The following ZNF337 variants were observed in gnomAD, a reference collection of about 807,000 sequenced individuals.
ZNF337 encodes zinc finger protein 337.
Under a neutral mutation model 12.1 loss-of-function variants are expected in ZNF337, and 8 were observed. That is an observed-to-expected ratio of 0.66 (90% CI 0.39 to 1.19). ZNF337 has a LOEUF of 1.19. Among genes scored for constraint, ZNF337 ranks in the 50% most tolerant of loss-of-function variants. The pLI is 0.01. For synonymous variants in ZNF337, 336 were observed against 320.0 expected, an observed-to-expected ratio of 1.05 and a Z score of -0.53; for missense variants, 882 against 896.6, an observed-to-expected ratio of 0.98 and a Z score of 0.21.
chr20:25,679,014 A>G (rs540674984), intron 4 of ZNF337, among the ~76,000 whole-genome samples: 7 of 152,194 alleles, frequency 4.6e-5, no homozygotes, highest in East Asian at 1.9e-4. Context: ...ATAAATCCAT[A>G]TATTTATAGC....
intron 1 of ZNF337, 64 bp from the exon 2 acceptor site, chr20:25,686,530 G>A (rs1600446268): frequency 7.8e-7 from 1 of 1,281,984 alleles, no homozygotes; most frequent in East Asian, 2.4e-5. Flanking sequence ...GTGACAGTTG[G>A]TGTGATTCCA....
At position 25,675,023 on chromosome 20, in the gene ZNF337, G is replaced by A. The variant is rs1220286518; in HGVS notation, c.*9C>T. The A allele has an allele frequency of 1.2e-6, 2 of 1,608,492 alleles. No homozygotes were observed. The highest frequency in any genetic ancestry group is 1.7e-6 in the Non-Finnish European group (2 of 1,176,970). ...GAGTGTGTCCTCTGATGGATGGTGA[G>A]ATATAACTTCAAGATGAAGCCTCAC... is the stretch of plus-strand genomic sequence containing the variant. On this transcript the variant is annotated 3_prime_UTR_variant, in exon 5 of 5. Transcript: ENST00000252979.
intron 1 of ZNF337, among the ~76,000 whole-genome samples, chr20:25,690,157 G>A (rs945167547): frequency 2.0e-5 from 3 of 152,116 alleles, no homozygotes; most frequent in East Asian, 1.9e-4. Context: ...GTGGTGGCAC[G>A]TGCCTGTAGT....
rs749992921 is a variant in ZNF337, at chr20:25,675,787, A to G, written c.1501T>C (p.Ser501Pro). Reference sequence around the variant, plus strand: ...GCCCTCAGGTGCTTGTTATAGGAGGACTTATCCCGAAACCTTCGCCCACAC... The same window carrying G: ...GCCCTCAGGTGCTTGTTATAGGAGGGCTTATCCCGAAACCTTCGCCCACAC... ...RECGRRFRDK[S>P]SYNKHLRAHL... The change falls in exon 5 of 5, where the codon TCC (serine) becomes CCC (proline). Residue 501 changes from serine (S) to proline (P), a missense_variant. Transcript: ENST00000252979. 48 of 1,613,274 alleles carry G rather than the reference A, an allele frequency of 3.0e-5. No individual in the cohort carries two copies. The highest frequency in any genetic ancestry group is 4.1e-5 in the Non-Finnish European group (48 of 1,179,816).
chr20:25,677,137 C>T (rs1373181569), intron 4 of ZNF337, 100 bp from the exon 5 acceptor site: 3 of 1,007,390 alleles, frequency 3.0e-6, no homozygotes, highest in Non-Finnish European at 4.2e-6. Context: ...TTCTAATAAA[C>T]TCATAAAGAA....
In ZNF337 at chr20:25,674,912, C is replaced by G. The variant is rs1310881020; in HGVS notation, c.*120G>C. 3.3e-6 allele frequency: 3 copies of G among 902,070 alleles called. No individual in the cohort carries two copies. Among genetic ancestry groups the G allele is most frequent in the East Asian group, 2.6e-5 (1 of 38,634 alleles). 55.9% of individuals were successfully genotyped at this position (902,070 alleles called of 1,614,324 possible). A position where few individuals can be genotyped will look rare whatever the true frequency, so the allele number is the denominator to read the frequency against. On this transcript the variant is annotated 3_prime_UTR_variant, in exon 5 of 5. Transcript: ENST00000252979. ...TTGAATTCAGGTTCTCTGTAGCCCT[C>G]TGGATTCTGTCTGCCTCTGTTATAT...
At chr20:25,696,227 G>A (rs1179534675) in intron 1 of ZNF337, among the ~76,000 whole-genome samples, 1 of 151,920 alleles carries the variant, frequency 6.6e-6, no homozygotes, top group Non-Finnish European at 1.5e-5. Flanking sequence ...CAAAACACGC[G>A]GGCGAAGTCC....
At chr20:25,681,785 A>G (rs1488845087) in intron 4 of ZNF337, among the ~76,000 whole-genome samples, 1 of 152,226 alleles carries the variant, frequency 6.6e-6, no homozygotes, top group Non-Finnish European at 1.5e-5. Flanking sequence ...TATGCATCTT[A>G]TATAAATCCT....
intron 4 of ZNF337, among the ~76,000 whole-genome samples, chr20:25,684,095 T>C (rs145077230): frequency 0.021 from 3,170 of 150,736 alleles, 106 homozygotes; most frequent in African/African-American, 0.072. Flanking sequence ...CAGCAAACTA[T>C]CTCAAGGACA....
intron 1 of ZNF337, among the ~76,000 whole-genome samples, chr20:25,696,440 G>C (rs1353769562): frequency 6.6e-6 from 1 of 152,104 alleles, no homozygotes; most frequent in Non-Finnish European, 1.5e-5. Context: ...GAGGAGCGGC[G>C]ACCCTGGCAC....
chr20:25,685,206 TAAA>T (rs1343382641), intron 4 of ZNF337, among the ~76,000 whole-genome samples: 1 of 149,626 alleles, frequency 6.7e-6, no homozygotes, highest in Non-Finnish European at 1.5e-5. Flanking sequence ...GAAAAATAAT[TAAA>T]AAACAAAACA....
rs371036755 is a variant in ZNF337, at chr20:25,687,468, G to C, written c.-49-1002C>G. 5.8e-4 allele frequency among the ~76,000 whole-genome samples: 89 copies of C among 152,268 alleles called. 3 individuals carry two copies. In the South Asian group the frequency reaches 0.018, roughly 31 times the overall value. On this transcript the variant is annotated intron_variant, in intron 1 of 4. Coordinates refer to ENST00000252979, the MANE Select transcript of ZNF337 (RefSeq NM_015655.4). ...AAATTAAAAACACAGACATATAGGG[G>C]TGAAAAGAAGGAAATGTGAAGGAAC...
Position 25,676,486 on chromosome 20 carries a change from C to A in ZNF337, c.802G>T (p.Val268Leu), listed in dbSNP as rs1157830283. The A allele has an allele frequency of 6.8e-6, 11 of 1,613,564 alleles. No homozygotes were observed. Among genetic ancestry groups the A allele is most frequent in the Non-Finnish European group, 9.3e-6 (11 of 1,179,868 alleles). The part of the protein sequence containing the change: ...HSGEKPFLCK[V>L]CGRGYTSKSY... ...TTACTGGTATAGCCTCGTCCACACA[C>A]CTTGCACAGAAAAGGCTTCTCTCCT... Residue 268 changes from valine to leucine, a missense_variant, in exon 5 of 5, where the codon GTG becomes TTG. Transcript: ENST00000252979.
At chr20:25,679,550 G>C (rs1182085143) in intron 4 of ZNF337, among the ~76,000 whole-genome samples, 2 of 152,008 alleles carry the variant, frequency 1.3e-5, no homozygotes, top group African/African-American at 4.8e-5. Context: ...ATGGGCAACA[G>C]GTATACGAAA....
In ZNF337 at chr20:25,676,602, G is replaced by A; in HGVS notation, c.686C>T (p.Thr229Ile). 4.3e-6 allele frequency: 7 copies of A among 1,614,134 alleles called. No individual in the cohort carries two copies. Among genetic ancestry groups the A allele is most frequent in the South Asian group, 1.1e-5 (1 of 91,080 alleles). ...CACATAGGACTTCTCTCCTGTGTGTGTGTTCTGGTGCAAGAGCAATGCTGA... is the reference window on the plus strand; with the variant it reads ...CACATAGGACTTCTCTCCTGTGTGTATGTTCTGGTGCAAGAGCAATGCTGA... ...DESALLLHQN[T>I]HTGEKSYVCS... Residue 229 changes from threonine (T) to isoleucine (I), a missense_variant, in exon 5 of 5, where the codon ACA becomes ATA. Transcript: ENST00000252979.
chr20:25,691,273 G>C (rs1336008290), intron 1 of ZNF337, among the ~76,000 whole-genome samples: 1 of 152,138 alleles, frequency 6.6e-6, no homozygotes, highest in Non-Finnish European at 1.5e-5. Flanking sequence ...AGACAGAGAA[G>C]CAGAAGAGAA....
chr20:25,676,181 T>C lies in ZNF337; in HGVS notation c.1107A>G (p.Thr369=). Residue 369 remains threonine, a synonymous_variant, in exon 5 of 5, where the codon ACA becomes ACG. Coordinates refer to ENST00000252979, the MANE Select transcript of ZNF337 (RefSeq NM_015655.4). ...NKSHLITHQR[T]HSGEKPFACR... ...ACGCAAAGGGCTTCTCCCCTGAGTG[T>C]GTCCTCTGGTGTGTGATAAGGTGTG... 5 of 1,614,164 alleles carry C rather than the reference T, an allele frequency of 3.1e-6. No homozygotes were observed. Among genetic ancestry groups the C allele is most frequent in the Non-Finnish European group, 4.2e-6 (5 of 1,180,018 alleles).
chr20:25,675,592 G>A lies in ZNF337; in HGVS notation c.1696C>T (p.His566Tyr), dbSNP rs779480740. 5 of 1,613,842 alleles carry A rather than the reference G, an allele frequency of 3.1e-6. No individual in the cohort carries two copies. Among genetic ancestry groups the A allele is most frequent in the Non-Finnish European group, 4.2e-6 (5 of 1,180,000 alleles). Residue 566 changes from histidine (H) to tyrosine (Y), a missense_variant, in exon 5 of 5, where the codon CAC becomes TAC. By Grantham distance (83) the His-to-Tyr change is moderately conservative. Coordinates refer to ENST00000252979, the MANE Select transcript of ZNF337 (RefSeq NM_015655.4). ...CAATTAAATGGCCTTTCCCCCGAGT[G>A]TGTCCACTGATGTCTAAGAAGATTT... ...KANLLRHQWT[H>Y]SGERPFNCKD...
rs937900807 is a variant in ZNF337, at chr20:25,673,430, G to A, written c.*1602C>T. Reference sequence around the variant, plus strand: ...AGCTGGCCTTAATTGTGAAGGTTCTGTGGTAATGAATGGTGGAAATGCTAT... The same window carrying A: ...AGCTGGCCTTAATTGTGAAGGTTCTATGGTAATGAATGGTGGAAATGCTAT... On this transcript the variant is annotated 3_prime_UTR_variant, in exon 5 of 5. Transcript: ENST00000252979. Among the ~76,000 whole-genome samples, 38 of 152,348 alleles carry A rather than the reference G, an allele frequency of 2.5e-4. No homozygotes were observed. The highest frequency in any genetic ancestry group is 8.7e-4 in the African/African-American group (36 of 41,576).
Sources: gnomAD v4.1 joint callset for allele counts (sites outside exome capture counted in the v4.1 genomes callset) on GRCh38, gnomAD v4.1.1 for gene constraint, MANE v1.5 for transcripts, NCBI Gene and HGNC (gene_info 2026-07-23, HGNC 2026-07-21) for gene names.